Variants in DICER1 observed in about 807,000 individuals in gnomAD.
DICER1 encodes endoribonuclease Dicer.
A neutral mutation model predicts 194.1 loss-of-function variants in DICER1; 43 were observed. That is an observed-to-expected ratio of 0.22 (90% confidence interval 0.17 to 0.29). The LOEUF (loss-of-function observed/expected upper bound fraction) is 0.29, where lower values mean the gene tolerates loss of function less well. Ranked by LOEUF, DICER1 falls within the 10% of genes least tolerant of loss-of-function variation. The pLI is 1.00. For synonymous variants in DICER1, 832 were observed against 820.5 expected, an observed-to-expected ratio of 1.01 and a Z score of -0.24; for missense variants, 1,608 against 2,317.0, an observed-to-expected ratio of 0.69 and a Z score of 6.28.
At chr14:95,116,183 T>C (rs1369729385) in intron 10 of DICER1, among the ~76,000 whole-genome samples, 1 of 152,182 alleles carries the variant, frequency 6.6e-6, no homozygotes, top group Admixed American at 6.5e-5. Flanking sequence ...ATATTTGCAA[T>C]GCAATTTCCC....
Position 95,124,142 on chromosome 14 carries a change from C to T in DICER1, c.1376+54G>A. 2 of 1,345,954 alleles carry T rather than the reference C, an allele frequency of 1.5e-6. No individual in the cohort carries two copies. The highest frequency in any genetic ancestry group is 1.2e-5 in the South Asian group (1 of 84,730). The allele number at this position is 1,345,954 out of a possible 1,614,324, so 83.4% of individuals were successfully genotyped here. On this transcript the variant is annotated intron_variant, in intron 8 of 26. Transcript: ENST00000343455. The surrounding 1 kb of genome is among the most constrained non-coding windows in gnomAD (Gnocchi z 4.5). ...ACAGCTGCTGCAGCGCATCACATCA[C>T]AACACAGGACGCCTCCCTGTTCTCA...
rs1566814922 is a variant in DICER1 at position 95,132,479 on chromosome 14, TC to T, written c.307+35del. On this transcript the variant is annotated intron_variant, in intron 3 of 26. Coordinates refer to ENST00000343455, the MANE Select transcript of DICER1 (RefSeq NM_177438.3). ...TTTAAACATAAAATCCCATCCAATT[TC>T]CCCTGCACAACTTGATAAAATAATT... 3 of 1,607,002 alleles carry T rather than the reference TC, an allele frequency of 1.9e-6. No individual in the cohort carries two copies. In the South Asian group the frequency reaches 3.3e-5, roughly 18 times the overall value.
Position 95,111,956 on chromosome 14 carries a change from T to C in DICER1, c.2116+216A>G, listed in dbSNP as rs536377857. ...ATTAAAGAGAGCAAATAAATGACAG[T>C]TGTTTGCAGTCAAGCTATGGAAAAC... On this transcript the variant is annotated intron_variant, in intron 13 of 26. Transcript: ENST00000343455. 2.6e-5 allele frequency among the ~76,000 whole-genome samples: 4 copies of C among 152,330 alleles called. No homozygotes were observed. The South Asian group carries it at 6.2e-4, about 24-fold the overall frequency.
rs1163349737 is a variant in DICER1 at position 95,124,030 on chromosome 14, CCT to C, written c.1376+164_1376+165del. Among the ~76,000 whole-genome samples, 2 of 152,100 alleles carry C rather than the reference CCT, an allele frequency of 1.3e-5. No homozygotes were observed. Among genetic ancestry groups the C allele is most frequent in the Non-Finnish European group, 2.9e-5 (2 of 68,024 alleles). Reference sequence around the variant, plus strand: ...TGAAAAGCAGCCTTCTGGAAAACATCCTCTCTGTCAATCCCAGGACAGCATGA... The same window carrying C: ...TGAAAAGCAGCCTTCTGGAAAACATCCTCTGTCAATCCCAGGACAGCATGA... On this transcript the variant is annotated intron_variant, in intron 8 of 26. Coordinates refer to ENST00000343455, the MANE Select transcript of DICER1 (RefSeq NM_177438.3). The surrounding 1 kb of genome is among the most constrained non-coding windows in gnomAD (Gnocchi z 4.5).
chr14:95,107,802 A>G, intron 16 of DICER1, 41 bp from the exon 17 acceptor site: 2 of 1,612,256 alleles, frequency 1.2e-6, no homozygotes, highest in Non-Finnish European at 1.7e-6. Flanking sequence ...TTAAAACATG[A>G]TACAGATAAG....
chr14:95,153,556 T>C (rs1288604567), intron 1 of DICER1, among the ~76,000 whole-genome samples: 1 of 152,244 alleles, frequency 6.6e-6, no homozygotes, highest in Non-Finnish European at 1.5e-5. Flanking sequence ...AAAAGATTGA[T>C]TATTCTTCAT....
At chr14:95,144,212 G>C (rs948385267) in intron 1 of DICER1, among the ~76,000 whole-genome samples, 5 of 152,016 alleles carry the variant, frequency 3.3e-5, no homozygotes, top group Non-Finnish European at 7.4e-5. Context: ...CTGATTCTGA[G>C]TTTTCAGTGA....
chr14:95,090,748 C>A, intron 26 of DICER1, 85 bp from the exon 27 acceptor site: 1 of 1,490,708 alleles, frequency 6.7e-7, no homozygotes. Flanking sequence ...ACTCTCAGGC[C>A]AGGAGTCCCA....
rs1595468557 is a variant in DICER1, at chr14:95,133,327, T to C, written c.132A>G (p.Pro44=). 2 of 1,614,060 alleles carry C rather than the reference T, an allele frequency of 1.2e-6. No homozygotes were observed. Among genetic ancestry groups the C allele is most frequent in the African/African-American group, 1.3e-5 (1 of 74,936 alleles). ...TTCGCATTAGTACCTGATATTTTCT[T>C]GGCGTATAAATGTTATCATGAATTG... The part of the protein sequence containing the change: ...QEAIHDNIYT[P]RKYQVELLEA... Residue 44 remains proline, a synonymous_variant, in exon 2 of 27, where the codon CCA becomes CCG. Coordinates refer to ENST00000343455, the MANE Select transcript of DICER1 (RefSeq NM_177438.3).
chr14:95,106,895 A>T (rs1163587398), intron 17 of DICER1, among the ~76,000 whole-genome samples: 1 of 152,242 alleles, frequency 6.6e-6, no homozygotes, highest in Non-Finnish European at 1.5e-5. Flanking sequence ...GGAGACTAAA[A>T]GGATGGAGAT....
intron 1 of DICER1, among the ~76,000 whole-genome samples, chr14:95,147,372 G>A (rs952438201): frequency 2.0e-5 from 3 of 152,090 alleles, no homozygotes; most frequent in South Asian, 2.1e-4. Context: ...AGGCTGAGGC[G>A]GAAGAATCAC....
Position 95,115,713 on chromosome 14 carries a change from C to A in DICER1, c.1861G>T (p.Gly621Cys), listed in dbSNP as rs1892380225. ...FPPYVLRPDD[G>C]GPRVTINTAI... is the part of the protein sequence containing the mutation. ...GTGTTGATTGTGACTCGTGGACCAC[C>A]ATCGTCAGGCCTCAACACATATGGT... Residue 621 changes from glycine to cysteine, a missense_variant, in exon 11 of 27, where the codon GGT becomes TGT. Physicochemically the swap from Gly to Cys is radical, Grantham distance 159. This residue lies in a region of DICER1 where 657 missense variants were observed against 910.1 expected (regional missense o/e 0.72). Coordinates refer to ENST00000343455, the MANE Select transcript of DICER1 (RefSeq NM_177438.3). The A allele has an allele frequency of 6.2e-7, 1 of 1,614,146 alleles. No individual in the cohort carries two copies. The highest frequency in any genetic ancestry group is 8.5e-7 in the Non-Finnish European group (1 of 1,180,022).
At position 95,107,590 on chromosome 14, in the gene DICER1, T is replaced by A; in HGVS notation, c.2804+18A>T. 6.2e-7 allele frequency: 1 copy of A among 1,613,402 alleles called. No individual in the cohort carries two copies. The highest frequency in any genetic ancestry group is 8.5e-7 in the Non-Finnish European group (1 of 1,179,344). On this transcript the variant is annotated intron_variant, in intron 17 of 26. Coordinates refer to ENST00000343455, the MANE Select transcript of DICER1 (RefSeq NM_177438.3). The stretch of plus-strand genomic sequence containing the variant: ...AACAAAGTATCACCACCATTTTCCT[T>A]TCCATTTAAATACCTACCTTGGAAT...
rs149537747 is a variant in DICER1 at position 95,112,074 on chromosome 14, T to C, written c.2116+98A>G. The C allele has an allele frequency of 1.8e-3, 1,845 of 1,042,462 alleles. 22 individuals are homozygous for C. The African/African-American group carries it at 0.026, about 15-fold the overall frequency. The allele number at this position is 1,042,462 out of a possible 1,614,324, so 64.6% of individuals were successfully genotyped here. A position where few individuals can be genotyped will look rare whatever the true frequency, so the allele number is the denominator to read the frequency against. On this transcript the variant is annotated intron_variant, in intron 13 of 26. Transcript: ENST00000343455. ...ATTAAGATCAGCAAGTGAATAGCTC[T>C]ACAAAATCCTTACAGATCTATAAAG...
At position 95,107,929 on chromosome 14, in the gene DICER1, A is replaced by C; in HGVS notation, c.2601T>G (p.Phe867Leu). ...ILRLEKPALE[F>L]KPTDADSAYC... ...ATGCTGAATCAGCGTCTGTAGGTTT[A>C]AATTCTAGTGCAGGTTTTTCAAGCC... The change falls in exon 16 of 27, where the codon TTT (phenylalanine) becomes TTG (leucine). Residue 867 changes from phenylalanine (F) to leucine (L), a missense_variant. Coordinates refer to ENST00000343455, the MANE Select transcript of DICER1 (RefSeq NM_177438.3). 2 of 1,614,094 alleles carry C rather than the reference A, an allele frequency of 1.2e-6. No individual in the cohort carries two copies. The highest frequency in any genetic ancestry group is 1.7e-6 in the Non-Finnish European group (2 of 1,179,982).
At chr14:95,117,511 C>T in intron 9 of DICER1, 111 bp downstream of exon 9, 1 of 1,178,728 alleles carries the variant, frequency 8.5e-7, no homozygotes, top group Non-Finnish European at 1.3e-6. Context: ...TTCTATAATA[C>T]AAAAAATAAT....
chr14:95,111,214 G>T, intron 14 of DICER1, 103 bp downstream of exon 14: 3 of 1,380,254 alleles, frequency 2.2e-6, no homozygotes, highest in Admixed American at 1.7e-5. Context: ...GGGCCAAACT[G>T]TAAGGGTGTG....
At chr14:95,099,435 A>T (rs1890657591) in intron 22 of DICER1, among the ~76,000 whole-genome samples, 1 of 152,166 alleles carries the variant, frequency 6.6e-6, no homozygotes, top group African/African-American at 2.4e-5. Flanking sequence ...CACTGAACAG[A>T]GCTAAGGATC....
intron 8 of DICER1, among the ~76,000 whole-genome samples, chr14:95,119,642 T>G (rs1257992987): frequency 6.6e-6 from 1 of 152,274 alleles, no homozygotes; most frequent in African/African-American, 2.4e-5. Flanking sequence ...ACCAGCAAGC[T>G]GTTCACCAGC....
Sources: allele counts gnomAD v4.1 joint callset (sites outside exome capture counted in the v4.1 genomes callset), GRCh38; gene constraint gnomAD v4.1.1; regional missense constraint gnomAD v4.1.1; non-coding constraint Gnocchi (gnomAD v3.1); transcripts MANE v1.5; gene names NCBI Gene and HGNC (gene_info 2026-07-23, HGNC 2026-07-21).